GPCPD1: variants seen among roughly 807,000 people sequenced by gnomAD.
GPCPD1 encodes glycerophosphocholine phosphodiesterase GPCPD1.
GPCPD1 carries 29 observed loss-of-function variants against 89.2 expected under a neutral mutation model. The observed-to-expected ratio is 0.33, with a 90% CI of 0.24 to 0.44. The LOEUF (loss-of-function observed/expected upper bound fraction) is 0.44, where lower values mean the gene tolerates loss of function less well. GPCPD1 is among the 20% of genes least tolerant of loss of function. The probability of loss-of-function intolerance (pLI) is 1.00; values close to 1 mark genes in which losing one functional copy is unlikely to be tolerated. For synonymous variants in GPCPD1, 258 were observed against 266.3 expected (o/e 0.97, Z 0.30); for missense variants, 594 against 808.9 (o/e 0.73, Z 3.22).
intron 15 of GPCPD1, among the ~76,000 whole-genome samples, chr20:5,563,408 G>C (rs1437162932): frequency 6.6e-6 from 1 of 152,194 alleles, no homozygotes; most frequent in Admixed American, 6.5e-5. Flanking sequence ...GGAATCATGA[G>C]ATTTCTAAAA....
intron 19 of GPCPD1, among the ~76,000 whole-genome samples, chr20:5,554,989 G>A (rs1275617131): frequency 6.6e-6 from 1 of 152,220 alleles, no homozygotes; most frequent in Admixed American, 6.5e-5. Context: ...AGATGTGGTG[G>A]AAATAGAAAG....
intron 11 of GPCPD1, among the ~76,000 whole-genome samples, chr20:5,573,538 C>A (rs1986838631): frequency 6.6e-6 from 1 of 152,136 alleles, no homozygotes; most frequent in Admixed American, 6.5e-5. Context: ...GAGTTTGAAA[C>A]AAGCCTGAGC....
intron 19 of GPCPD1, among the ~76,000 whole-genome samples, chr20:5,552,029 G>A (rs1471056278): frequency 6.6e-6 from 1 of 152,164 alleles, no homozygotes; most frequent in Non-Finnish European, 1.5e-5. Context: ...TGCCAGAAGA[G>A]CCAAATAAAG....
chr20:5,603,813 C>G (rs191713757), intron 2 of GPCPD1, among the ~76,000 whole-genome samples: 1 of 148,628 alleles, frequency 6.7e-6, no homozygotes, highest in East Asian at 2.0e-4. Flanking sequence ...ATGGCACGAT[C>G]TCAGGTCACT....
At chr20:5,599,006 C>G (rs1600800303) in intron 2 of GPCPD1, among the ~76,000 whole-genome samples, 185 bp from the exon 3 acceptor site, 1 of 152,154 alleles carries the variant, frequency 6.6e-6, no homozygotes, top group Non-Finnish European at 1.5e-5. Context: ...TAACTCGACT[C>G]ACCTTTCTAG....
At chr20:5,549,540 G>A (rs1223229464) in intron 19 of GPCPD1, 21 of 951,016 alleles carry the variant, frequency 2.2e-5, no homozygotes, top group South Asian at 1.2e-4. Context: ...TCAAGCAATC[G>A]AGATTTTGGA....
intron 15 of GPCPD1, among the ~76,000 whole-genome samples, chr20:5,564,087 A>G (rs1475515828): frequency 6.6e-6 from 1 of 152,164 alleles, no homozygotes; most frequent in Admixed American, 6.5e-5. Context: ...AGTCGGTGGA[A>G]CAAAAGCAGA....
chr20:5,604,518 C>A, intron 1 of GPCPD1, 78 bp from the exon 2 acceptor site: 4 of 596,228 alleles, frequency 6.7e-6, no homozygotes, highest in Non-Finnish European at 8.8e-6. Context: ...CAACTTCAAC[C>A]AAGAGCTATT....
intron 4 of GPCPD1, among the ~76,000 whole-genome samples, chr20:5,590,256 C>G (rs1979228834): frequency 6.6e-6 from 1 of 151,988 alleles, no homozygotes; most frequent in Non-Finnish European, 1.5e-5. Flanking sequence ...TCTGAGGAAT[C>G]AAGGCCACGT....
chr20:5,575,750 C>T, intron 9 of GPCPD1, 66 bp downstream of exon 9: 3 of 1,067,636 alleles, frequency 2.8e-6, no homozygotes, highest in Non-Finnish European at 4.2e-6. Flanking sequence ...TTATCAAATA[C>T]TTAATTTGAA....
chr20:5,594,543 C>T (rs1021182643), intron 3 of GPCPD1, among the ~76,000 whole-genome samples: 2 of 151,970 alleles, frequency 1.3e-5, no homozygotes, highest in Non-Finnish European at 2.9e-5. Context: ...CCAACCGCCT[C>T]GGCCTCCCAA....
At chr20:5,602,499 G>C (rs1222510733) in intron 2 of GPCPD1, among the ~76,000 whole-genome samples, 3 of 152,224 alleles carry the variant, frequency 2.0e-5, no homozygotes, top group African/African-American at 4.8e-5. Flanking sequence ...AACTATACCA[G>C]ATCATCTTGG....
At chr20:5,588,759 A>C (rs771298955) in intron 4 of GPCPD1, among the ~76,000 whole-genome samples, 5 of 152,146 alleles carry the variant, frequency 3.3e-5, no homozygotes, top group Non-Finnish European at 7.4e-5. Flanking sequence ...TGGGAGGCGG[A>C]GGCTGCAGTG....
chr20:5,553,969 TTTC>T (rs1402381523), intron 19 of GPCPD1, among the ~76,000 whole-genome samples: 1 of 138,136 alleles, frequency 7.2e-6, no homozygotes, highest in Non-Finnish European at 1.6e-5. Flanking sequence ...AACAACAGAT[TTTC>T]TTTTCTTTTT....
chr20:5,556,060 A>G (rs533782123), intron 19 of GPCPD1, among the ~76,000 whole-genome samples: 2 of 152,290 alleles, frequency 1.3e-5, no homozygotes, highest in South Asian at 2.1e-4. Flanking sequence ...TCAACATCAA[A>G]GCAAGACCCT....
intron 4 of GPCPD1, among the ~76,000 whole-genome samples, chr20:5,592,606 T>A (rs1979408132): frequency 6.6e-6 from 1 of 152,196 alleles, no homozygotes; most frequent in Non-Finnish European, 1.5e-5. Context: ...AGCTAATCCA[T>A]GATTTGTATC....
intron 4 of GPCPD1, among the ~76,000 whole-genome samples, chr20:5,587,105 A>G (rs1978979106): frequency 6.6e-6 from 1 of 152,222 alleles, no homozygotes; most frequent in Admixed American, 6.5e-5. Flanking sequence ...TAAAAGACTA[A>G]AATTTAAGTG....
At chr20:5,547,959 C>T (rs1306977981) in intron 19 of GPCPD1, 109 bp from the exon 20 acceptor site, 1 of 560,536 alleles carries the variant, frequency 1.8e-6, no homozygotes, top group East Asian at 2.8e-5. Flanking sequence ...ATGCCTGGAA[C>T]ATCCACATCA....
intron 4 of GPCPD1, among the ~76,000 whole-genome samples, chr20:5,590,870 TTAGAAAC>T (rs1383902680): frequency 8.5e-5 from 13 of 152,240 alleles, no homozygotes; most frequent in South Asian, 2.1e-4. Flanking sequence ...GCTATGAAAG[TTAGAAAC>T]ATAGATATGT....
Sources: allele counts gnomAD v4.1 joint callset (sites outside exome capture counted in the v4.1 genomes callset), GRCh38; gene constraint gnomAD v4.1.1; transcripts MANE v1.5; gene names NCBI Gene and HGNC (gene_info 2026-07-23, HGNC 2026-07-21).